Variants in TPRKB observed in about 807,000 individuals in gnomAD.
TPRKB encodes the protein TP53RK binding protein, also known as EKC/KEOPS complex subunit TPRKB.
TPRKB carries 11 observed loss-of-function variants against 17.8 expected under a neutral mutation model. The ratio of observed to expected loss-of-function variants is 0.62; its 90% CI spans 0.39 to 1.02. TPRKB has a LOEUF of 1.02. TPRKB is among the 50% of genes least tolerant of loss of function. The pLI is 0.00. For missense variants in TPRKB, 228 were observed against 198.0 expected (o/e 1.15, Z -0.91); for synonymous variants, 71 against 69.5 (o/e 1.02, Z -0.11).
Position 73,734,553 on chromosome 2 carries a change from T to G in TPRKB, c.17A>C (p.Gln6Pro). MQLTH[Q>P]LDLFPECRVT... The stretch of plus-strand genomic sequence containing the variant: ...CCTGCATTCGGGAAATAGGTCCAGC[T>G]GATGTGTTAACTGCATTTCACAGAT... Residue 6 changes from glutamine (Q) to proline (P), a missense_variant, in exon 2 of 5, where the codon CAG becomes CCG. Transcript: ENST00000272424. The G allele has an allele frequency of 6.2e-7, 1 of 1,612,322 alleles. No homozygotes were observed.
Position 73,732,437 on chromosome 2 carries a change from C to A in TPRKB, c.142-152G>T, listed in dbSNP as rs1671658912. ...TTTCAAAACTATTATCCCGGCTGGGCACGGTGGCTCACACCTGTAATCCTA... is the reference window on the plus strand; with the variant it reads ...TTTCAAAACTATTATCCCGGCTGGGAACGGTGGCTCACACCTGTAATCCTA... On this transcript the variant is annotated intron_variant, in intron 2 of 4. Coordinates refer to ENST00000272424, the MANE Select transcript of TPRKB (RefSeq NM_016058.5). The A allele has an allele frequency of 1.4e-5, 12 of 849,958 alleles. No homozygotes were observed. In the South Asian group the frequency reaches 2.2e-4, roughly 15 times the overall value. 52.7% of individuals were successfully genotyped at this position (849,958 alleles called of 1,614,324 possible).
intron 2 of TPRKB, among the ~76,000 whole-genome samples, chr2:73,733,257 T>G (rs560550308): frequency 6.9e-6 from 1 of 144,342 alleles, no homozygotes; most frequent in East Asian, 2.0e-4. Context: ...TTTTTTTGTT[T>G]TTTTTTTTTT....
intron 3 of TPRKB, chr2:73,731,248 C>T (rs1199851898): frequency 1.3e-5 from 2 of 152,352 alleles, no homozygotes; most frequent in Non-Finnish European, 2.9e-5. Context: ...GATTTGAATT[C>T]ATTTTCCCAT....
At chr2:73,734,613 C>G (rs762293767) in intron 1 of TPRKB, 22 bp from the exon 2 acceptor site, 2 of 1,522,602 alleles carry the variant, frequency 1.3e-6, no homozygotes, top group African/African-American at 2.8e-5. Flanking sequence ...ATGAAAAGAC[C>G]AAAAGATTTC....
chr2:73,733,022 A>C lies in TPRKB; in HGVS notation c.142-737T>G, dbSNP rs137878879. ...CCATCTCTGTCACCTATCACCTAGG[A>C]AACTTATGCAAGTTCATTAGCATTT... On this transcript the variant is annotated intron_variant, in intron 2 of 4. Coordinates refer to ENST00000272424, the MANE Select transcript of TPRKB (RefSeq NM_016058.5). 5.9e-5 allele frequency among the ~76,000 whole-genome samples: 9 copies of C among 152,308 alleles called. No homozygotes were observed. In the East Asian group the frequency reaches 1.7e-3, roughly 29 times the overall value.
rs973152044 is a variant in TPRKB, at chr2:73,732,070, C to T, written c.264+93G>A. On this transcript the variant is annotated intron_variant, in intron 3 of 4. Coordinates refer to ENST00000272424, the MANE Select transcript of TPRKB (RefSeq NM_016058.5). ...ACTATTATTTGGGTTTATTACTAAC[C>T]ACTGGCTTGCAGGAATTTAGCCTCC... The T allele has an allele frequency of 4.3e-6, 6 of 1,402,382 alleles. No homozygotes were observed. The Admixed American group carries it at 1.0e-4, about 24-fold the overall frequency. 86.9% of individuals were successfully genotyped at this position (1,402,382 alleles called of 1,614,324 possible).
At chr2:73,730,996 T>G (rs1416240576) in intron 3 of TPRKB, 2 of 273,448 alleles carry the variant, frequency 7.3e-6, no homozygotes, top group East Asian at 1.5e-4. Context: ...AAACACCTCC[T>G]CCCTCTGGTG....
At chr2:73,731,406 T>C (rs965963112) in intron 3 of TPRKB, among the ~76,000 whole-genome samples, 3 of 152,340 alleles carry the variant, frequency 2.0e-5, no homozygotes, top group Non-Finnish European at 2.9e-5. Context: ...TTCTGAATTA[T>C]GTCTAATGAT....
chr2:73,732,379 G>T, intron 2 of TPRKB, 94 bp from the exon 3 acceptor site: 2 of 1,341,516 alleles, frequency 1.5e-6, no homozygotes, highest in Non-Finnish European at 1.0e-6. Context: ...GTGTCAAGCT[G>T]TTTTACTTCA....
rs1445383056 is a variant in TPRKB at position 73,732,141 on chromosome 2, G to C, written c.264+22C>G. ...ATATGTTATTATGACACGGTCAACAGAAATAGGAAAGTGCACATTACATTG... is the reference window on the plus strand; with the variant it reads ...ATATGTTATTATGACACGGTCAACACAAATAGGAAAGTGCACATTACATTG... On this transcript the variant is annotated intron_variant, in intron 3 of 4. Transcript: ENST00000272424. 1.9e-6 allele frequency: 3 copies of C among 1,608,134 alleles called. No homozygotes were observed. In the Admixed American group the frequency reaches 5.1e-5, roughly 27 times the overall value.
At chr2:73,733,254 G>C (rs2421556) in intron 2 of TPRKB, among the ~76,000 whole-genome samples, 1 of 133,860 alleles carries the variant, frequency 7.5e-6, no homozygotes, top group Non-Finnish European at 1.5e-5. Context: ...CTGTTTTTTT[G>C]TTTTTTTTTT....
At chr2:73,732,663 C>G (rs1347220066) in intron 2 of TPRKB, 2 of 170,360 alleles carry the variant, frequency 1.2e-5, no homozygotes, top group South Asian at 2.6e-4. Context: ...GAGCCAAGAT[C>G]GCGCCATTGC....
chr2:73,733,221 A>AACATG (rs1162842289), intron 2 of TPRKB, among the ~76,000 whole-genome samples: 1 of 150,862 alleles, frequency 6.6e-6, no homozygotes, highest in Non-Finnish European at 1.5e-5. Flanking sequence ...AATTCCCGGT[A>AACATG]ACATGATCGC....
chr2:73,730,958 T>G lies in TPRKB; in HGVS notation c.265-222A>C, dbSNP rs1016873851. On this transcript the variant is annotated intron_variant, in intron 3 of 4. Coordinates refer to ENST00000272424, the MANE Select transcript of TPRKB (RefSeq NM_016058.5). ...AAAGGTACGCCTTGTTCCTATGGAATCAAGCCCAGCCTCTTGGCGCTGCAC... is the reference window on the plus strand; with the variant it reads ...AAAGGTACGCCTTGTTCCTATGGAAGCAAGCCCAGCCTCTTGGCGCTGCAC... The G allele has an allele frequency of 1.3e-5, 5 of 370,444 alleles. No homozygotes were observed. In the East Asian group the frequency reaches 2.4e-4, roughly 18 times the overall value. 22.9% of individuals were successfully genotyped at this position (370,444 alleles called of 1,614,324 possible). A position where few individuals can be genotyped will look rare whatever the true frequency, so the allele number is the denominator to read the frequency against.
At chr2:73,735,342 AAAG>A (rs1671829111) in intron 1 of TPRKB, among the ~76,000 whole-genome samples, 2 of 152,196 alleles carry the variant, frequency 1.3e-5, no homozygotes, top group South Asian at 2.1e-4. Context: ...CAAAAAAAAA[AAAG>A]AATAGGGGGA....
chr2:73,732,481 G>A (rs1042236854), intron 2 of TPRKB, 196 bp from the exon 3 acceptor site: 24 of 564,458 alleles, frequency 4.3e-5, no homozygotes, highest in African/African-American at 2.8e-4. Context: ...GGAGGCCAAG[G>A]TGGGTAGATC....
Position 73,731,416 on chromosome 2 carries a change from T to G in TPRKB, c.265-680A>C, listed in dbSNP as rs149809028. Among the ~76,000 whole-genome samples the G allele has an allele frequency of 9.4e-4, 143 of 152,308 alleles. 1 individual carries two copies. The highest frequency in any genetic ancestry group is 1.2e-3 in the Non-Finnish European group (80 of 68,032). On this transcript the variant is annotated intron_variant, in intron 3 of 4. Coordinates refer to ENST00000272424, the MANE Select transcript of TPRKB (RefSeq NM_016058.5). ...GAGTTTTCTGAATTATGTCTAATGA[T>G]CTCAAGGAAACCATAATTAGTAAAT...
intron 2 of TPRKB, among the ~76,000 whole-genome samples, chr2:73,733,644 A>C (rs1321714432): frequency 6.6e-6 from 1 of 151,866 alleles, no homozygotes; most frequent in African/African-American, 2.4e-5. Flanking sequence ...AACCTTTCCT[A>C]TTTCCTAGGG....
rs1450534663 is a variant in TPRKB at position 73,733,937 on chromosome 2, T to C, written c.141+492A>G. ...GGCTCAAGCGATTCTCCTGCCTCAG[T>C]CTCCTGAGTACAGGTGCCCACCACC... On this transcript the variant is annotated intron_variant, in intron 2 of 4. Coordinates refer to ENST00000272424, the MANE Select transcript of TPRKB (RefSeq NM_016058.5). 4.8e-5 allele frequency among the ~76,000 whole-genome samples: 7 copies of C among 144,706 alleles called. No homozygotes were observed. The East Asian group carries it at 1.2e-3, about 26-fold the overall frequency. 94.9% of individuals were successfully genotyped at this position (144,706 alleles called of 152,430 possible).
Sources: gnomAD v4.1 joint callset for allele counts (sites outside exome capture counted in the v4.1 genomes callset) on GRCh38, gnomAD v4.1.1 for gene constraint, MANE v1.5 for transcripts, NCBI Gene and HGNC (gene_info 2026-07-23, HGNC 2026-07-21) for gene names.